The following MNAT1 variants were observed in gnomAD, a reference collection of about 807,000 sequenced individuals.
The protein encoded by MNAT1 is CDK-activating kinase assembly factor MAT1.
MNAT1 carries 43 observed loss-of-function variants against 42.0 expected under a neutral mutation model. The observed-to-expected ratio is 1.02, with a 90% CI of 0.80 to 1.32. The LOEUF (loss-of-function observed/expected upper bound fraction) is 1.32, where lower values mean the gene tolerates loss of function less well. Among genes scored for constraint, MNAT1 ranks in the 40% most tolerant of loss-of-function variants. The pLI is 0.00. For missense variants in MNAT1, 306 were observed against 350.4 expected (o/e 0.87, Z 1.01); for synonymous variants, 118 against 120.0 (o/e 0.98, Z 0.11).
At chr14:60,848,002 T>A in intron 6 of MNAT1, among the ~76,000 whole-genome samples, 1 of 152,212 alleles carries the variant, frequency 6.6e-6, no homozygotes. Flanking sequence ...TCTTTTAGAT[T>A]TGTCTATGTA....
chr14:60,884,519 C>T (rs1438295047), intron 7 of MNAT1, among the ~76,000 whole-genome samples: 1 of 151,960 alleles, frequency 6.6e-6, no homozygotes, highest in East Asian at 1.9e-4. Context: ...TTATTTTAAG[C>T]TGATGACAAC....
At chr14:60,884,772 A>G (rs568509749) in intron 7 of MNAT1, among the ~76,000 whole-genome samples, 3 of 152,126 alleles carry the variant, frequency 2.0e-5, no homozygotes, top group South Asian at 2.1e-4. Flanking sequence ...TTTTCTGTGT[A>G]CTTACCATTA....
At chr14:60,803,120 A>G (rs576596483) in intron 3 of MNAT1, among the ~76,000 whole-genome samples, 141 of 151,668 alleles carry the variant, frequency 9.3e-4, no homozygotes, top group African/African-American at 3.3e-3. Flanking sequence ...TATTTTTAGT[A>G]GAAACGGGAT....
At chr14:60,948,515 G>C (rs941909890) in intron 7 of MNAT1, among the ~76,000 whole-genome samples, 1 of 152,102 alleles carries the variant, frequency 6.6e-6, no homozygotes, top group African/African-American at 2.4e-5. Flanking sequence ...AGTCATTGTA[G>C]AGTTTTTTCA....
chr14:60,915,849 C>G lies in MNAT1; in HGVS notation c.809+36014C>G, dbSNP rs1594869068. On this transcript the variant is annotated intron_variant, in intron 7 of 7. Transcript: ENST00000261245. The stretch of plus-strand genomic sequence containing the variant: ...ATATCTCATGCCTTGAATTTTACCT[C>G]AAACTTAACTTAAAAAGAAAGTAAA... 2.6e-5 allele frequency among the ~76,000 whole-genome samples: 4 copies of G among 152,298 alleles called. No individual in the cohort carries two copies. In the South Asian group the frequency reaches 8.3e-4, roughly 32 times the overall value.
At chr14:60,742,576 TGGCTTTTA>T in intron 1 of MNAT1, among the ~76,000 whole-genome samples, 1 of 152,346 alleles carries the variant, frequency 6.6e-6, no homozygotes, top group Admixed American at 6.5e-5. Context: ...TACGTTTCAA[TGGCTTTTA>T]GTATATTCTC....
intron 3 of MNAT1, among the ~76,000 whole-genome samples, chr14:60,807,136 T>C (rs1410591669): frequency 6.6e-6 from 1 of 152,220 alleles, no homozygotes. Context: ...TAAATGAGCC[T>C]GGATTTTCAA....
At chr14:60,779,261 G>A (rs1233638519) in intron 1 of MNAT1, among the ~76,000 whole-genome samples, 1 of 152,168 alleles carries the variant, frequency 6.6e-6, no homozygotes, top group East Asian at 1.9e-4. Context: ...AAATACAGTA[G>A]CCATTGCCTA....
intron 6 of MNAT1, among the ~76,000 whole-genome samples, chr14:60,836,898 C>T (rs1198130035): frequency 6.6e-6 from 1 of 152,206 alleles, no homozygotes; most frequent in Non-Finnish European, 1.5e-5. Flanking sequence ...CTATAAGCCC[C>T]TTACTGGGGC....
intron 1 of MNAT1, among the ~76,000 whole-genome samples, chr14:60,795,936 C>G (rs1257537268): frequency 6.6e-6 from 1 of 152,164 alleles, no homozygotes; most frequent in Non-Finnish European, 1.5e-5. Context: ...TCTTTGACTT[C>G]TCCCTATCCT....
chr14:60,790,970 CA>C (rs1206804764), intron 1 of MNAT1, among the ~76,000 whole-genome samples: 1 of 151,970 alleles, frequency 6.6e-6, no homozygotes, highest in African/African-American at 2.4e-5. Flanking sequence ...GGCAAAGGGG[CA>C]AAAAGGAAAA....
At chr14:60,786,953 GCA>G (rs2031670942) in intron 1 of MNAT1, among the ~76,000 whole-genome samples, 1 of 152,142 alleles carries the variant, frequency 6.6e-6, no homozygotes, top group Non-Finnish European at 1.5e-5. Context: ...CTTATTTAGT[GCA>G]GTGGCATTAA....
intron 1 of MNAT1, among the ~76,000 whole-genome samples, chr14:60,794,660 A>AATATATAT (rs67332094): frequency 0.011 from 304 of 28,628 alleles, 4 homozygotes; most frequent in Middle Eastern, 0.065. Context: ...AAAAAAAAAA[A>AATATATAT]ATATATATAT....
intron 7 of MNAT1, among the ~76,000 whole-genome samples, chr14:60,925,881 A>G (rs1188196759): frequency 6.6e-6 from 1 of 152,326 alleles, no homozygotes; most frequent in East Asian, 1.9e-4. Flanking sequence ...TTGGCAGAAT[A>G]TAAGATCTTT....
intron 1 of MNAT1, among the ~76,000 whole-genome samples, chr14:60,765,863 A>G (rs1243800899): frequency 1.3e-5 from 2 of 152,186 alleles, no homozygotes; most frequent in African/African-American, 2.4e-5. Flanking sequence ...ATTAAAGTGT[A>G]GAATCCTCAA....
At chr14:60,942,070 G>T (rs1161080166) in intron 7 of MNAT1, among the ~76,000 whole-genome samples, 6 of 148,450 alleles carry the variant, frequency 4.0e-5, no homozygotes, top group African/African-American at 1.5e-4. Context: ...TCAAAGTTAG[G>T]GATTGTTGGT....
Position 60,937,270 on chromosome 14 carries a change from C to T in MNAT1, c.810-30959C>T, listed in dbSNP as rs928511559. ...TCAATTTTGGCTTTTGTTGCCATTGCTTTTGGTGTTTTAAACATGAAGTCC... is the reference window on the plus strand; with the variant it reads ...TCAATTTTGGCTTTTGTTGCCATTGTTTTTGGTGTTTTAAACATGAAGTCC... On this transcript the variant is annotated intron_variant, in intron 7 of 7. Transcript: ENST00000261245. 3.3e-5 allele frequency among the ~76,000 whole-genome samples: 5 copies of T among 152,246 alleles called. No individual in the cohort carries two copies. The South Asian group carries it at 1.0e-3, about 32-fold the overall frequency.
intron 7 of MNAT1, among the ~76,000 whole-genome samples, chr14:60,894,778 G>T (rs2034918153): frequency 6.6e-6 from 1 of 152,058 alleles, no homozygotes; most frequent in Non-Finnish European, 1.5e-5. Flanking sequence ...CCTAGAAGTA[G>T]ACTTTTGTCT....
chr14:60,873,544 C>T (rs1439168969), intron 6 of MNAT1, among the ~76,000 whole-genome samples: 2 of 152,112 alleles, frequency 1.3e-5, no homozygotes, highest in African/African-American at 2.4e-5. Context: ...TCACAGCTCA[C>T]TGCAGCCTTG....
Sources: gnomAD v4.1 joint callset for allele counts (sites outside exome capture counted in the v4.1 genomes callset) on GRCh38, gnomAD v4.1.1 for gene constraint, MANE v1.5 for transcripts, NCBI Gene and HGNC (gene_info 2026-07-23, HGNC 2026-07-21) for gene names.